Variants in SLC37A1 observed in about 807,000 individuals in gnomAD.
The protein encoded by SLC37A1 is solute carrier family 37 member 1.
A neutral mutation model predicts 75.3 loss-of-function variants in SLC37A1; 49 were observed. The observed-to-expected ratio is 0.65, with a 90% CI of 0.52 to 0.83. SLC37A1 has a LOEUF of 0.83. Ranked by LOEUF, SLC37A1 falls within the 40% of genes least tolerant of loss-of-function variation. The pLI, the probability that SLC37A1 is intolerant of heterozygous loss-of-function variation, is 0.00. For missense variants in SLC37A1, 566 were observed against 695.0 expected (o/e 0.81, Z 2.09); for synonymous variants, 268 against 292.1 (o/e 0.92, Z 0.84).
At chr21:42,527,020 G>A (rs945873990) in intron 3 of SLC37A1, among the ~76,000 whole-genome samples, 1 of 152,220 alleles carries the variant, frequency 6.6e-6, no homozygotes, top group African/African-American at 2.4e-5. Flanking sequence ...AAAGATGGAA[G>A]TGACTATTGA....
intron 17 of SLC37A1, among the ~76,000 whole-genome samples, chr21:42,573,485 A>T (rs1407749747): frequency 6.6e-6 from 1 of 152,056 alleles, no homozygotes; most frequent in Non-Finnish European, 1.5e-5. Context: ...TTCCAAAACT[A>T]CGTGCCCTTC....
intron 9 of SLC37A1, among the ~76,000 whole-genome samples, chr21:42,551,113 A>G (rs1359709150): frequency 2.0e-5 from 3 of 152,260 alleles, no homozygotes; most frequent in Non-Finnish European, 4.4e-5. Context: ...TTAGACAAGA[A>G]GTAAGACTAC....
chr21:42,543,010 C>T (rs2055321413), intron 7 of SLC37A1, among the ~76,000 whole-genome samples: 2 of 152,246 alleles, frequency 1.3e-5, no homozygotes, highest in South Asian at 4.1e-4. Context: ...GAAGCTAAAA[C>T]GGGAACACCA....
Position 42,514,630 on chromosome 21 carries a change from G to C in SLC37A1, c.-266G>C, listed in dbSNP as rs2054486797. 1 of 152,258 alleles carries C rather than the reference G, an allele frequency of 6.6e-6. No individual in the cohort carries two copies. Among genetic ancestry groups the C allele is most frequent in the Admixed American group, 6.5e-5 (1 of 15,288 alleles). The allele number at this position is 152,258 out of a possible 1,614,324, so 9.4% of individuals were successfully genotyped here. On this transcript the variant is annotated 5_prime_UTR_variant, in exon 1 of 20. Coordinates refer to ENST00000352133, the MANE Select transcript of SLC37A1 (RefSeq NM_001320537.2). The surrounding 1 kb of genome is among the most constrained non-coding windows in gnomAD (Gnocchi z 4.8). ...AGCGACCTTCTGGGTTTATAATAAA[G>C]GGCTTGACGCGCCGGAAAGTCCCCT...
chr21:42,578,855 T>C (rs2056359969), intron 18 of SLC37A1, among the ~76,000 whole-genome samples: 1 of 152,142 alleles, frequency 6.6e-6, no homozygotes, highest in Non-Finnish European at 1.5e-5. Flanking sequence ...TGAGGCTTGG[T>C]GGTGGGGCCA....
intron 11 of SLC37A1, among the ~76,000 whole-genome samples, chr21:42,560,907 G>A (rs78830409): frequency 0.078 from 11,832 of 152,136 alleles, 1,523 homozygotes; most frequent in African/African-American, 0.27. Flanking sequence ...CAGAGGTCCC[G>A]CTCAAGCCTC....
intron 5 of SLC37A1, among the ~76,000 whole-genome samples, chr21:42,539,083 C>T (rs1185123238): frequency 1.3e-5 from 2 of 152,150 alleles, no homozygotes; most frequent in African/African-American, 4.8e-5. Context: ...CTCGTGGGGC[C>T]GAATGACTTG....
Position 42,525,762 on chromosome 21 carries a change from GT to G in SLC37A1, c.57-10del, listed in dbSNP as rs1171366512. On this transcript the variant is annotated splice_polypyrimidine_tract_variant and intron_variant, in intron 2 of 19. Transcript: ENST00000352133. The stretch of plus-strand genomic sequence containing the variant: ...TTATTTCATATCATCCTCTCCCACT[GT>G]TTTGTGTTTCAGGTACAGAGCCTTC... 6.2e-7 allele frequency: 1 copy of G among 1,600,008 alleles called. No individual in the cohort carries two copies. The highest frequency in any genetic ancestry group is 8.6e-7 in the Non-Finnish European group (1 of 1,167,436).
rs567677206 is a variant in SLC37A1, at chr21:42,560,093, G to A, written c.981+1004G>A. Among the ~76,000 whole-genome samples, 6 of 152,310 alleles carry A rather than the reference G, an allele frequency of 3.9e-5. No individual in the cohort carries two copies. The East Asian group carries it at 1.2e-3, about 29-fold the overall frequency. On this transcript the variant is annotated intron_variant, in intron 11 of 19. Coordinates refer to ENST00000352133, the MANE Select transcript of SLC37A1 (RefSeq NM_001320537.2). ...CAGACTAGAAGGGCGTGATCAGCGG[G>A]TGATCAGTATCGGGAACAAGGTGAC...
intron 17 of SLC37A1, among the ~76,000 whole-genome samples, chr21:42,571,569 G>T (rs1011169848): frequency 1.3e-5 from 2 of 152,016 alleles, no homozygotes; most frequent in African/African-American, 4.8e-5. Flanking sequence ...AATTTCAGCT[G>T]CCTCTCTCTG....
intron 5 of SLC37A1, among the ~76,000 whole-genome samples, chr21:42,536,499 A>G (rs1438138570): frequency 6.6e-6 from 1 of 152,060 alleles, no homozygotes; most frequent in Non-Finnish European, 1.5e-5. Context: ...CAGTATAGGG[A>G]TGTTCTAGCC....
At chr21:42,530,800 A>G (rs1442884146) in intron 3 of SLC37A1, among the ~76,000 whole-genome samples, 1 of 152,060 alleles carries the variant, frequency 6.6e-6, no homozygotes, top group Non-Finnish European at 1.5e-5. Flanking sequence ...AGACTGCCTG[A>G]TAATCTCCTC....
chr21:42,581,027 C>T lies in SLC37A1; in HGVS notation c.*667C>T, dbSNP rs1489201299. Reference sequence around the variant, plus strand: ...AGGAAGCACCTCCGGTTGGAGGCACCCAGGCTTGCCAGCCACAGAGCGCCC... The same window carrying T: ...AGGAAGCACCTCCGGTTGGAGGCACTCAGGCTTGCCAGCCACAGAGCGCCC... On this transcript the variant is annotated 3_prime_UTR_variant, in exon 20 of 20. Transcript: ENST00000352133. The T allele has an allele frequency of 6.5e-6, 1 of 152,694 alleles. No individual in the cohort carries two copies. Among genetic ancestry groups the T allele is most frequent in the Admixed American group, 6.5e-5 (1 of 15,302 alleles). The allele number at this position is 152,694 out of a possible 1,614,324, so 9.5% of individuals were successfully genotyped here.
intron 3 of SLC37A1, among the ~76,000 whole-genome samples, chr21:42,530,566 TGACTA>T (rs1203317634): frequency 6.7e-6 from 1 of 148,682 alleles, no homozygotes; most frequent in African/African-American, 2.5e-5. Context: ...CACGTAAAGT[TGACTA>T]GACAGATCGT....
rs183338939 is a variant in SLC37A1 at position 42,539,536 on chromosome 21, G to A, written c.375G>A (p.Pro125=). The change falls in exon 6 of 20, where the codon CCG becomes CCA. Residue 125 remains proline (P), a synonymous_variant. Coordinates refer to ENST00000352133, the MANE Select transcript of SLC37A1 (RefSeq NM_001320537.2). ...YLSGIIGERL[P]IRYYLTFGML... ...GTGGCATCATTGGGGAGCGCCTGCC[G>A]ATTAGGTATTACCTAACTTTCGGGA... 1.1e-4 allele frequency: 178 copies of A among 1,613,352 alleles called. 1 individual carries two copies. In the Admixed American group the frequency reaches 2.6e-3, roughly 23 times the overall value.
intron 1 of SLC37A1, among the ~76,000 whole-genome samples, chr21:42,501,474 G>T (rs990290310): frequency 4.6e-5 from 7 of 152,240 alleles, no homozygotes; most frequent in African/African-American, 1.7e-4. Flanking sequence ...ACTTTGGGAG[G>T]CCAAGGTGGG....
intron 7 of SLC37A1, 130 bp from the exon 8 acceptor site, chr21:42,543,306 C>T: frequency 9.8e-7 from 1 of 1,021,502 alleles, no homozygotes; most frequent in Non-Finnish European, 1.5e-6. Context: ...GGCACAGAAG[C>T]AGGGTCTGCA....
intron 6 of SLC37A1, 105 bp from the exon 7 acceptor site, chr21:42,542,299 G>T: frequency 3.7e-6 from 3 of 820,874 alleles, no homozygotes; most frequent in Non-Finnish European, 5.8e-6. Flanking sequence ...TCTGGCTGTC[G>T]TGCCCCCTGC....
chr21:42,542,491 G>A lies in SLC37A1; in HGVS notation c.563+11G>A. ...GTTTGGAAAAGGAAGGTGAGAAAAA[G>A]CAGCCCTGTTTCCAATAGCAGATGA... On this transcript the variant is annotated intron_variant, in intron 7 of 19. Transcript: ENST00000352133. The A allele has an allele frequency of 6.2e-7, 1 of 1,613,892 alleles. No individual in the cohort carries two copies. Among genetic ancestry groups the A allele is most frequent in the Non-Finnish European group, 8.5e-7 (1 of 1,179,828 alleles).
Sources: allele counts gnomAD v4.1 joint callset (sites outside exome capture counted in the v4.1 genomes callset), GRCh38; gene constraint gnomAD v4.1.1; non-coding constraint Gnocchi (gnomAD v3.1); transcripts MANE v1.5; gene names NCBI Gene and HGNC (gene_info 2026-07-23, HGNC 2026-07-21).